Variants in WWOX observed in about 807,000 individuals in gnomAD.
WWOX encodes WW domain-containing oxidoreductase.
In WWOX, 69 loss-of-function variants were observed where a neutral mutation model predicts 46.2. That is an observed-to-expected ratio of 1.49 (90% CI 1.23 to 1.82). The LOEUF (loss-of-function observed/expected upper bound fraction) is 1.82, where lower values mean the gene tolerates loss of function less well. WWOX is among the 40% of genes most tolerant of loss of function. WWOX has a pLI of 0.00. For synonymous variants in WWOX, 359 were observed against 202.6 expected (o/e 1.77, Z -6.56); for missense variants, 919 against 542.6 (o/e 1.69, Z -6.89).
intron 8 of WWOX, among the ~76,000 whole-genome samples, chr16:78,434,012 A>G (rs930899226): frequency 1.3e-5 from 2 of 151,536 alleles, no homozygotes; most frequent in Non-Finnish European, 2.9e-5. Flanking sequence ...GATGGTCTCA[A>G]TCTCCTGACC....
At chr16:78,393,818 G>C (rs2082229046) in intron 6 of WWOX, among the ~76,000 whole-genome samples, 1 of 151,644 alleles carries the variant, frequency 6.6e-6, no homozygotes, top group Non-Finnish European at 1.5e-5. Flanking sequence ...GTCTCACTTA[G>C]AAGATAATAT....
chr16:78,979,430 C>T (rs556387100), intron 8 of WWOX, among the ~76,000 whole-genome samples: 7 of 152,160 alleles, frequency 4.6e-5, no homozygotes, highest in East Asian at 1.9e-4. Context: ...TCTCGGAATA[C>T]GTACGTGACA....
At chr16:79,121,247 C>T (rs1567563643) in intron 8 of WWOX, among the ~76,000 whole-genome samples, 1 of 152,176 alleles carries the variant, frequency 6.6e-6, no homozygotes, top group Non-Finnish European at 1.5e-5. Context: ...GGGCACTTTT[C>T]TGCCTACCAC....
At chr16:78,356,427 T>C (rs1185287607) in intron 5 of WWOX, among the ~76,000 whole-genome samples, 1 of 152,086 alleles carries the variant, frequency 6.6e-6, no homozygotes, top group African/African-American at 2.4e-5. Context: ...TGTGGACCCG[T>C]GGGAAAATCT....
At chr16:78,934,838 A>G (rs2045702527) in intron 8 of WWOX, among the ~76,000 whole-genome samples, 11 of 152,226 alleles carry the variant, frequency 7.2e-5, no homozygotes, top group Admixed American at 7.2e-4. Flanking sequence ...GGTGGCTCGC[A>G]TCTATAATCG....
chr16:78,112,702 T>C (rs1166161726), intron 3 of WWOX, among the ~76,000 whole-genome samples: 1 of 151,446 alleles, frequency 6.6e-6, no homozygotes, highest in Non-Finnish European at 1.5e-5. Flanking sequence ...AAGTTTTCTT[T>C]CTTTTTTTTT....
chr16:78,460,640 T>C (rs1240333246), intron 8 of WWOX, among the ~76,000 whole-genome samples: 3 of 152,214 alleles, frequency 2.0e-5, no homozygotes, highest in Non-Finnish European at 2.9e-5. Flanking sequence ...TGATGTGGCC[T>C]GTGGCAGACG....
chr16:78,717,735 G>A lies in WWOX; in HGVS notation c.1056+284983G>A, dbSNP rs564706263. Among the ~76,000 whole-genome samples, 30 of 152,282 alleles carry A rather than the reference G, an allele frequency of 2.0e-4. No individual in the cohort carries two copies. In the South Asian group the frequency reaches 3.3e-3, roughly 17 times the overall value. ...ATACTCCAATGCCGGCTTCCTTTGGGTTGGACTCTGATGGATCTAATCGAG... is the reference window on the plus strand; with the variant it reads ...ATACTCCAATGCCGGCTTCCTTTGGATTGGACTCTGATGGATCTAATCGAG... On this transcript the variant is annotated intron_variant, in intron 8 of 8. Transcript: ENST00000566780.
At chr16:78,624,741 G>A (rs1321555673) in intron 8 of WWOX, among the ~76,000 whole-genome samples, 1 of 152,148 alleles carries the variant, frequency 6.6e-6, no homozygotes, top group Non-Finnish European at 1.5e-5. Context: ...GAATTCTCCA[G>A]CACCCTGGCT....
At chr16:78,367,288 T>A (rs116449931) in intron 5 of WWOX, among the ~76,000 whole-genome samples, 2 of 152,272 alleles carry the variant, frequency 1.3e-5, no homozygotes, top group East Asian at 1.9e-4. Context: ...CGAAAAGTTA[T>A]AATTTTAATG....
chr16:78,955,730 C>G (rs1437395249), intron 8 of WWOX, among the ~76,000 whole-genome samples: 1 of 151,558 alleles, frequency 6.6e-6, no homozygotes, highest in South Asian at 2.1e-4. Flanking sequence ...TCATGGCAGC[C>G]TCAGCCTCCT....
chr16:78,126,757 G>C (rs2033379454), intron 4 of WWOX, among the ~76,000 whole-genome samples: 1 of 152,168 alleles, frequency 6.6e-6, no homozygotes, highest in African/African-American at 2.4e-5. Flanking sequence ...CAAAGGCACT[G>C]TTGCTTTGGT....
At chr16:79,153,333 C>T (rs534611585) in intron 8 of WWOX, among the ~76,000 whole-genome samples, 6 of 152,240 alleles carry the variant, frequency 3.9e-5, no homozygotes, top group African/African-American at 7.2e-5. Context: ...ACATGAGTCA[C>T]GCCAAGCCGC....
At chr16:78,807,152 G>T (rs1322660367) in intron 8 of WWOX, among the ~76,000 whole-genome samples, 1 of 152,162 alleles carries the variant, frequency 6.6e-6, no homozygotes, top group Non-Finnish European at 1.5e-5. Flanking sequence ...TGCACATTAT[G>T]GCCATTATTT....
intron 1 of WWOX, among the ~76,000 whole-genome samples, chr16:78,103,651 C>G (rs2031947858): frequency 6.6e-6 from 1 of 152,136 alleles, no homozygotes; most frequent in South Asian, 2.1e-4. Context: ...TGGCTCCAAC[C>G]CCTTTTCATT....
intron 8 of WWOX, among the ~76,000 whole-genome samples, chr16:78,437,560 T>A (rs2083360975): frequency 6.6e-6 from 1 of 151,340 alleles, no homozygotes; most frequent in African/African-American, 2.4e-5. Flanking sequence ...GGTAAAGCCA[T>A]GTCTCTGCCT....
intron 5 of WWOX, among the ~76,000 whole-genome samples, chr16:78,196,895 C>T (rs1162655473): frequency 6.6e-6 from 1 of 152,216 alleles, no homozygotes; most frequent in East Asian, 1.9e-4. Flanking sequence ...CCACTGACTA[C>T]TGCCTGGTTT....
chr16:78,150,072 G>A (rs1294014686), intron 4 of WWOX, among the ~76,000 whole-genome samples: 1 of 152,142 alleles, frequency 6.6e-6, no homozygotes, highest in Non-Finnish European at 1.5e-5. Flanking sequence ...TACTTCAAAT[G>A]CCAGTAGCAA....
intron 8 of WWOX, among the ~76,000 whole-genome samples, chr16:78,944,959 A>T (rs2045921385): frequency 6.6e-6 from 1 of 152,164 alleles, no homozygotes. Flanking sequence ...CAGGGAGATC[A>T]CTTGAGATCA....
Sources: gnomAD v4.1 joint callset for allele counts (sites outside exome capture counted in the v4.1 genomes callset) on GRCh38, gnomAD v4.1.1 for gene constraint, MANE v1.5 for transcripts, NCBI Gene and HGNC (gene_info 2026-07-23, HGNC 2026-07-21) for gene names.